LPP: variants seen among roughly 807,000 people sequenced by gnomAD.
The protein encoded by LPP is LIM domain containing preferred translocation partner in lipoma, also known as lipoma-preferred partner.
A neutral mutation model predicts 60.4 loss-of-function variants in LPP; 38 were observed. The observed-to-expected ratio is 0.63, with a 90% confidence interval of 0.49 to 0.83. The LOEUF is 0.83. Among genes scored for constraint, LPP ranks in the 40% least tolerant of loss-of-function variants. LPP has a pLI of 0.00. For synonymous variants in LPP, 328 were observed against 290.8 expected (o/e 1.13, Z -1.30); for missense variants, 902 against 783.6 (o/e 1.15, Z -1.80).
chr3:188,314,097 C>G (rs575717724), intron 2 of LPP, among the ~76,000 whole-genome samples: 1 of 152,180 alleles, frequency 6.6e-6, no homozygotes, highest in South Asian at 2.1e-4. Flanking sequence ...TTTTACAACA[C>G]TTATAGCTTT....
At chr3:188,709,987 C>T (rs1866292132) in intron 8 of LPP, 1 of 152,144 alleles carries the variant, frequency 6.6e-6, no homozygotes, top group South Asian at 2.1e-4. Flanking sequence ...ATAAGCATTT[C>T]TTAGACACCC....
intron 7 of LPP, among the ~76,000 whole-genome samples, chr3:188,695,395 C>T (rs764299980): frequency 6.6e-5 from 10 of 152,326 alleles, no homozygotes; most frequent in Admixed American, 2.0e-4. Flanking sequence ...GCAGTGCTGA[C>T]GAATAACACT....
intron 6 of LPP, among the ~76,000 whole-genome samples, chr3:188,559,513 G>A (rs1480617421): frequency 1.3e-5 from 2 of 151,912 alleles, no homozygotes; most frequent in Non-Finnish European, 2.9e-5. Flanking sequence ...TATGAAGCCT[G>A]GAACTATAGT....
chr3:188,640,488 T>A (rs779951525), intron 7 of LPP, among the ~76,000 whole-genome samples: 1 of 149,872 alleles, frequency 6.7e-6, no homozygotes, highest in Non-Finnish European at 1.5e-5. Flanking sequence ...CTGCACAATG[T>A]GCACATGTAC....
At position 188,588,262 on chromosome 3, in the gene LPP, C is replaced by A. The variant is rs145425699; in HGVS notation, c.430-20899C>A. Among the ~76,000 whole-genome samples, 185 of 152,218 alleles carry A rather than the reference C, an allele frequency of 1.2e-3. 4 individuals are homozygous for A. Among genetic ancestry groups the A allele is most frequent in the Admixed American group, 8.6e-3 (132 of 15,292 alleles). ...TAATTTGCATCAGAGGTGTGTGTGT[C>A]CTTACTCTTAATGAAAAAACGGTCC... On this transcript the variant is annotated intron_variant, in intron 6 of 11. Coordinates refer to ENST00000617246, the MANE Select transcript of LPP (RefSeq NM_001375462.1).
At chr3:188,714,794 A>G (rs1209814790) in intron 8 of LPP, among the ~76,000 whole-genome samples, 3 of 152,122 alleles carry the variant, frequency 2.0e-5, no homozygotes, top group African/African-American at 7.2e-5. Context: ...ATCTACTTGG[A>G]CTTAAGTTTT....
At chr3:188,289,145 G>A (rs767505221) in intron 2 of LPP, among the ~76,000 whole-genome samples, 5 of 151,986 alleles carry the variant, frequency 3.3e-5, no homozygotes, top group Non-Finnish European at 7.4e-5. Flanking sequence ...AGTTATTTTA[G>A]CATTTTAGAT....
intron 9 of LPP, among the ~76,000 whole-genome samples, chr3:188,822,500 C>T (rs1223085665): frequency 6.6e-6 from 1 of 152,178 alleles, no homozygotes; most frequent in Non-Finnish European, 1.5e-5. Flanking sequence ...AGAAACAAGA[C>T]ATCTATCTCT....
intron 2 of LPP, among the ~76,000 whole-genome samples, chr3:188,270,541 C>A (rs1307252097): frequency 6.6e-6 from 1 of 152,188 alleles, no homozygotes; most frequent in Non-Finnish European, 1.5e-5. Flanking sequence ...AGATTACATT[C>A]ATACCCAAGG....
At chr3:188,404,637 C>T (rs1783009647) in intron 3 of LPP, among the ~76,000 whole-genome samples, 1 of 152,156 alleles carries the variant, frequency 6.6e-6, no homozygotes, top group Admixed American at 6.5e-5. Context: ...ATGTGAATAT[C>T]CAGGCAACAC....
chr3:188,654,556 G>A (rs531056206), intron 7 of LPP, among the ~76,000 whole-genome samples: 3 of 152,048 alleles, frequency 2.0e-5, no homozygotes, highest in Admixed American at 6.5e-5. Flanking sequence ...GTGTGTATGC[G>A]TACACACATA....
chr3:188,705,300 A>G (rs1317168394), intron 7 of LPP, among the ~76,000 whole-genome samples: 1 of 152,200 alleles, frequency 6.6e-6, no homozygotes, highest in African/African-American at 2.4e-5. Flanking sequence ...TCTTTATGAA[A>G]CATGTCTTGT....
At chr3:188,171,159 G>C (rs1721483758) in intron 1 of LPP, among the ~76,000 whole-genome samples, 1 of 152,150 alleles carries the variant, frequency 6.6e-6, no homozygotes, top group Admixed American at 6.5e-5. Context: ...CTTTTAACTA[G>C]AAAATGTTGA....
rs11448997 is a variant in LPP, at chr3:188,878,759, T to TAAAAAAAAAAA, written c.*4286_*4296dup. ...ATATACTCACCAAAAAGTAAAAAAG[T>TAAAAAAAAAAA]AAAAAAAAAAAAAAAAGAAAGAAAG... On this transcript the variant is annotated 3_prime_UTR_variant, in exon 12 of 12. Transcript: ENST00000617246. The TAAAAAAAAAAA allele has an allele frequency of 3.2e-5, 5 of 153,924 alleles. No homozygotes were observed. The highest frequency in any genetic ancestry group is 6.5e-5 in the Non-Finnish European group (5 of 76,400). The allele number at this position is 153,924 out of a possible 1,614,324, so 9.5% of individuals were successfully genotyped here.
At chr3:188,322,859 T>C (rs1757343749) in intron 2 of LPP, among the ~76,000 whole-genome samples, 1 of 152,238 alleles carries the variant, frequency 6.6e-6, no homozygotes, top group Non-Finnish European at 1.5e-5. Flanking sequence ...GTGGGATACC[T>C]ATCTCAGGAC....
chr3:188,701,701 T>A (rs1005860088), intron 7 of LPP, among the ~76,000 whole-genome samples: 11 of 151,714 alleles, frequency 7.3e-5, no homozygotes, highest in Middle Eastern at 3.4e-3. Context: ...CAGTCCTTTT[T>A]AAAGCATATT....
At chr3:188,225,206 A>G (rs1197699362) in intron 1 of LPP, among the ~76,000 whole-genome samples, 199 bp from the exon 2 acceptor site, 2 of 152,230 alleles carry the variant, frequency 1.3e-5, no homozygotes, top group Non-Finnish European at 2.9e-5. Flanking sequence ...GAGCTGAGAT[A>G]TGAACACTGA....
chr3:188,389,701 G>A (rs1269980168), intron 3 of LPP, among the ~76,000 whole-genome samples: 10 of 148,018 alleles, frequency 6.8e-5, no homozygotes, highest in African/African-American at 2.5e-4. Context: ...ACTTGAACCC[G>A]GGAGGCAGAG....
chr3:188,322,506 C>T (rs2150394433), intron 2 of LPP, among the ~76,000 whole-genome samples: 1 of 152,288 alleles, frequency 6.6e-6, no homozygotes, highest in Non-Finnish European at 1.5e-5. Context: ...TCAGAGGTAA[C>T]TCTTATAGAA....
Sources: gnomAD v4.1 joint callset for allele counts (sites outside exome capture counted in the v4.1 genomes callset) on GRCh38, gnomAD v4.1.1 for gene constraint, MANE v1.5 for transcripts, NCBI Gene and HGNC (gene_info 2026-07-23, HGNC 2026-07-21) for gene names.